MARCHF1: variants seen among roughly 807,000 people sequenced by gnomAD.
The protein encoded by MARCHF1 is E3 ubiquitin-protein ligase MARCHF1.
MARCHF1 carries 40 observed loss-of-function variants against 54.2 expected under a neutral mutation model. The observed-to-expected ratio is 0.74, with a 90% CI of 0.57 to 0.96. The LOEUF (loss-of-function observed/expected upper bound fraction) is 0.96, where lower values mean the gene tolerates loss of function less well. Among genes scored for constraint, MARCHF1 ranks in the 40% least tolerant of loss-of-function variants. The pLI is 0.00. For synonymous variants in MARCHF1, 236 were observed against 236.3 expected (o/e 1.00, Z 0.01); for missense variants, 586 against 656.5 (o/e 0.89, Z 1.17).
rs760823829 is a variant in MARCHF1, at chr4:164,197,556, T to G, written c.-322-85894A>C. On this transcript the variant is annotated intron_variant, in intron 1 of 9. Transcript: ENST00000514618. ...GTAAGTCTGAGATTGAGGTGAGGCCTCCGTTGATTTTACTTAAGAATTCCA... is the reference window on the plus strand; with the variant it reads ...GTAAGTCTGAGATTGAGGTGAGGCCGCCGTTGATTTTACTTAAGAATTCCA... The G allele has an allele frequency of 2.5e-6, 4 of 1,613,264 alleles. No homozygotes were observed. In the Admixed American group the frequency reaches 6.7e-5, roughly 27 times the overall value.
intron 1 of MARCHF1, among the ~76,000 whole-genome samples, chr4:164,315,174 T>C (rs921802446): frequency 2.1e-5 from 3 of 141,502 alleles, no homozygotes; most frequent in Non-Finnish European, 4.5e-5. Context: ...AAGTGAACAA[T>C]GCAAATAAGA....
chr4:164,052,979 T>C (rs1274839382), intron 2 of MARCHF1, among the ~76,000 whole-genome samples: 1 of 152,192 alleles, frequency 6.6e-6, no homozygotes, highest in Non-Finnish European at 1.5e-5. Context: ...AACTGTCTCA[T>C]ATAATTTCTT....
intron 2 of MARCHF1, among the ~76,000 whole-genome samples, chr4:164,089,733 A>G (rs1755261871): frequency 6.6e-6 from 1 of 152,056 alleles, no homozygotes; most frequent in Admixed American, 6.6e-5. Flanking sequence ...TTCAGGAACA[A>G]TAATAATTGT....
chr4:163,776,375 T>C (rs958855233), intron 4 of MARCHF1, among the ~76,000 whole-genome samples: 4 of 150,840 alleles, frequency 2.7e-5, no homozygotes, highest in African/African-American at 9.7e-5. Flanking sequence ...TATAATTTAA[T>C]TTATAAATAA....
intron 5 of MARCHF1, among the ~76,000 whole-genome samples, chr4:163,617,950 G>A (rs1650522574): frequency 1.3e-5 from 2 of 152,134 alleles, no homozygotes; most frequent in South Asian, 4.1e-4. Flanking sequence ...ACAAATGTAT[G>A]TTTTACAATG....
In MARCHF1 at chr4:163,526,848, C is replaced by CAA; in HGVS notation, c.*1898_*1899dup. On this transcript the variant is annotated 3_prime_UTR_variant, in exon 10 of 10. Transcript: ENST00000514618. ...ACTACACACACGCCATACACACACA[C>CAA]AAAATTGACATTGTTTACCTTTTGT... 6.6e-6 allele frequency: 1 copy of CAA among 151,904 alleles called. No individual in the cohort carries two copies. The highest frequency in any genetic ancestry group is 1.9e-4 in the East Asian group (1 of 5,188). 9.4% of individuals were successfully genotyped at this position (151,904 alleles called of 1,614,324 possible). A position where few individuals can be genotyped will look rare whatever the true frequency, so the allele number is the denominator to read the frequency against.
chr4:163,813,734 A>C (rs1748456916), intron 4 of MARCHF1, among the ~76,000 whole-genome samples: 1 of 152,220 alleles, frequency 6.6e-6, no homozygotes, highest in Non-Finnish European at 1.5e-5. Flanking sequence ...ATATAGTTTA[A>C]AAAAACATTT....
chr4:164,146,478 T>C (rs145474694), intron 1 of MARCHF1, among the ~76,000 whole-genome samples: 5 of 152,074 alleles, frequency 3.3e-5, no homozygotes, highest in South Asian at 4.1e-4. Flanking sequence ...AACAGAGATA[T>C]AGATCAATGG....
intron 1 of MARCHF1, among the ~76,000 whole-genome samples, chr4:164,203,549 G>A (rs958427519): frequency 5.9e-5 from 9 of 152,234 alleles, no homozygotes; most frequent in Admixed American, 5.2e-4. Flanking sequence ...CTACATTAAG[G>A]AGGGTAATCT....
intron 1 of MARCHF1, among the ~76,000 whole-genome samples, chr4:164,310,521 AATC>A (rs1734820967): frequency 6.6e-6 from 1 of 151,846 alleles, no homozygotes; most frequent in African/African-American, 2.4e-5. Context: ...AGGAGAAAAA[AATC>A]ATTTTTATAC....
chr4:164,376,173 G>A (rs187269789), intron 1 of MARCHF1, among the ~76,000 whole-genome samples: 1 of 152,118 alleles, frequency 6.6e-6, no homozygotes, highest in Non-Finnish European at 1.5e-5. Context: ...ACATATTAAA[G>A]TATAGTAAAA....
chr4:163,722,317 A>C (rs915186147), intron 4 of MARCHF1, among the ~76,000 whole-genome samples: 8 of 152,092 alleles, frequency 5.3e-5, no homozygotes, highest in African/African-American at 1.9e-4. Flanking sequence ...CAGGTTGTTC[A>C]GTTTCCATGT....
At chr4:163,980,938 G>A (rs1444796283) in intron 3 of MARCHF1, among the ~76,000 whole-genome samples, 2 of 152,168 alleles carry the variant, frequency 1.3e-5, no homozygotes, top group African/African-American at 4.8e-5. Context: ...CAGCCACTAA[G>A]CATTCATAGG....
At chr4:163,742,385 TCCTTCCTTCCTC>T (rs201993530) in intron 4 of MARCHF1, among the ~76,000 whole-genome samples, 5,770 of 67,932 alleles carry the variant, frequency 0.085, 179 homozygotes, top group Admixed American at 0.14. Flanking sequence ...CCTCGCTACC[TCCTTCCTTCCTC>T]CCTTCCTTCC....
chr4:163,798,908 A>C (rs1429298839), intron 4 of MARCHF1, among the ~76,000 whole-genome samples: 6 of 152,054 alleles, frequency 3.9e-5, no homozygotes, highest in African/African-American at 1.2e-4. Context: ...CTTATGTATA[A>C]CTTCTAGCGC....
chr4:164,058,871 T>C (rs753079544), intron 2 of MARCHF1, among the ~76,000 whole-genome samples: 21 of 152,226 alleles, frequency 1.4e-4, no homozygotes, highest in Non-Finnish European at 2.9e-4. Context: ...ATGATGCCTG[T>C]TGAACTTCTT....
intron 5 of MARCHF1, among the ~76,000 whole-genome samples, chr4:163,655,274 GA>G (rs1357128441): frequency 6.6e-6 from 1 of 151,140 alleles, no homozygotes; most frequent in Non-Finnish European, 1.5e-5. Context: ...TTTTCTTCTT[GA>G]ATAAGTAAAT....
intron 2 of MARCHF1, among the ~76,000 whole-genome samples, chr4:164,030,404 T>C (rs986602183): frequency 2.6e-5 from 4 of 152,206 alleles, no homozygotes; most frequent in African/African-American, 9.6e-5. Flanking sequence ...ATAAATTCTG[T>C]CAGGACAGAT....
intron 8 of MARCHF1, among the ~76,000 whole-genome samples, chr4:163,575,502 G>T (rs763256566): frequency 6.6e-6 from 1 of 151,956 alleles, no homozygotes; most frequent in African/African-American, 2.4e-5. Flanking sequence ...AGGGTTGCTG[G>T]GCTGTAGTTT....
Sources: gnomAD v4.1 joint callset for allele counts (sites outside exome capture counted in the v4.1 genomes callset) on GRCh38, gnomAD v4.1.1 for gene constraint, MANE v1.5 for transcripts, NCBI Gene and HGNC (gene_info 2026-07-23, HGNC 2026-07-21) for gene names.